The following LHFPL3 variants were observed in gnomAD, a reference collection of about 807,000 sequenced individuals.
The protein encoded by LHFPL3 is LHFPL tetraspan subfamily member 3 protein.
In LHFPL3, 5 loss-of-function variants were observed where a neutral mutation model predicts 19.3. The ratio of observed to expected loss-of-function variants is 0.26; its 90% confidence interval spans 0.14 to 0.54. The LOEUF (loss-of-function observed/expected upper bound fraction) is 0.54, where lower values mean the gene tolerates loss of function less well. Ranked by LOEUF, LHFPL3 falls within the 20% of genes least tolerant of loss-of-function variation. LHFPL3 has a pLI of 0.94. For missense variants in LHFPL3, 249 were observed against 307.4 expected (o/e 0.81, Z 1.42); for synonymous variants, 133 against 126.2 (o/e 1.05, Z -0.36).
At chr7:104,869,104 A>G (rs1791785252) in intron 2 of LHFPL3, among the ~76,000 whole-genome samples, 1 of 152,198 alleles carries the variant, frequency 6.6e-6, no homozygotes, top group African/African-American at 2.4e-5. Flanking sequence ...TAAATGTTAG[A>G]CCTAAAACCA....
chr7:104,434,533 C>T (rs1792063866), intron 1 of LHFPL3, among the ~76,000 whole-genome samples: 1 of 152,054 alleles, frequency 6.6e-6, no homozygotes, highest in Non-Finnish European at 1.5e-5. Context: ...TTATTTTCAA[C>T]CAAAAAAAGT....
chr7:104,604,366 A>G (rs1791048995), intron 1 of LHFPL3, among the ~76,000 whole-genome samples: 1 of 152,028 alleles, frequency 6.6e-6, no homozygotes. Flanking sequence ...CCCCAAAACT[A>G]TTCTGCCCCG....
intron 1 of LHFPL3, among the ~76,000 whole-genome samples, chr7:104,517,700 A>G (rs1213705073): frequency 2.6e-5 from 4 of 151,924 alleles, no homozygotes; most frequent in Non-Finnish European, 5.9e-5. Flanking sequence ...TAGATACAGA[A>G]TTTCACCATG....
At chr7:104,357,402 G>C (rs1054855157) in intron 1 of LHFPL3, among the ~76,000 whole-genome samples, 4 of 152,154 alleles carry the variant, frequency 2.6e-5, no homozygotes, top group Non-Finnish European at 5.9e-5. Flanking sequence ...AAGGCAATTA[G>C]TAGTTATTGA....
chr7:104,549,487 A>G (rs1426480507), intron 1 of LHFPL3, among the ~76,000 whole-genome samples: 2 of 149,124 alleles, frequency 1.3e-5, no homozygotes, highest in Admixed American at 6.7e-5. Context: ...ACACACACAC[A>G]CACTTATGTA....
At chr7:104,527,868 T>C (rs371745428) in intron 1 of LHFPL3, among the ~76,000 whole-genome samples, 12 of 152,328 alleles carry the variant, frequency 7.9e-5, no homozygotes, top group East Asian at 5.8e-4. Context: ...CCCCACCCAA[T>C]AGAGGACAGA....
chr7:104,680,287 A>T (rs1412358134), intron 1 of LHFPL3, among the ~76,000 whole-genome samples: 1 of 151,984 alleles, frequency 6.6e-6, no homozygotes, highest in African/African-American at 2.4e-5. Flanking sequence ...ATTGTATCCC[A>T]CTCCTTTGGC....
At chr7:104,652,142 G>T (rs1356387640) in intron 1 of LHFPL3, among the ~76,000 whole-genome samples, 2 of 151,992 alleles carry the variant, frequency 1.3e-5, no homozygotes, top group Non-Finnish European at 2.9e-5. Flanking sequence ...GATGGTGTTT[G>T]GTTTGGCACA....
chr7:104,665,125 C>G (rs536647107), intron 1 of LHFPL3, among the ~76,000 whole-genome samples: 8 of 152,172 alleles, frequency 5.3e-5, no homozygotes, highest in Non-Finnish European at 1.0e-4. Flanking sequence ...ATACATAAGA[C>G]TGCTAATGTA....
At chr7:104,540,790 C>A (rs1794471338) in intron 1 of LHFPL3, among the ~76,000 whole-genome samples, 1 of 152,080 alleles carries the variant, frequency 6.6e-6, no homozygotes, top group African/African-American at 2.4e-5. Flanking sequence ...ATGGCCAACA[C>A]CAGATTTGGA....
At chr7:104,866,040 C>T (rs1365289198) in intron 2 of LHFPL3, among the ~76,000 whole-genome samples, 1 of 152,158 alleles carries the variant, frequency 6.6e-6, no homozygotes, top group East Asian at 1.9e-4. Flanking sequence ...GATTTTGTCA[C>T]CACTAGGCCT....
chr7:104,813,571 G>A (rs949470949), intron 2 of LHFPL3, among the ~76,000 whole-genome samples: 1 of 152,172 alleles, frequency 6.6e-6, no homozygotes, highest in African/African-American at 2.4e-5. Context: ...TGCTAAGGGT[G>A]AGTCAGGCAT....
intron 1 of LHFPL3, among the ~76,000 whole-genome samples, chr7:104,611,243 G>C (rs934968997): frequency 6.6e-5 from 10 of 152,204 alleles, no homozygotes. Context: ...CTCACAGCAA[G>C]ATATGAAGGA....
intron 2 of LHFPL3, among the ~76,000 whole-genome samples, chr7:104,856,220 T>G (rs890371974): frequency 6.6e-6 from 1 of 150,376 alleles, no homozygotes; most frequent in East Asian, 2.0e-4. Flanking sequence ...TGCCCAGATC[T>G]CCTGATTCTG....
intron 1 of LHFPL3, among the ~76,000 whole-genome samples, chr7:104,470,619 TC>T (rs973653449): frequency 9.9e-5 from 15 of 152,228 alleles, no homozygotes; most frequent in African/African-American, 3.4e-4. Flanking sequence ...ACCCTATCAT[TC>T]CCTATTGTAC....
intron 2 of LHFPL3, among the ~76,000 whole-genome samples, chr7:104,787,269 C>T (rs1020438736): frequency 2.8e-4 from 42 of 152,134 alleles, no homozygotes; most frequent in African/African-American, 8.9e-4. Flanking sequence ...GCTGTGAGGC[C>T]GAAAATTAAT....
chr7:104,820,209 C>T (rs954381441), intron 2 of LHFPL3, among the ~76,000 whole-genome samples: 1 of 152,156 alleles, frequency 6.6e-6, no homozygotes, highest in African/African-American at 2.4e-5. Context: ...ATTTATCATT[C>T]TCAGTGACAA....
chr7:104,719,483 C>A (rs911909660), intron 1 of LHFPL3, among the ~76,000 whole-genome samples: 24 of 152,068 alleles, frequency 1.6e-4, no homozygotes, highest in Non-Finnish European at 1.5e-5. Flanking sequence ...TGAATTTATG[C>A]AATAAAAGCT....
intron 1 of LHFPL3, among the ~76,000 whole-genome samples, chr7:104,525,266 T>C (rs1323136087): frequency 6.6e-6 from 1 of 152,236 alleles, no homozygotes; most frequent in Admixed American, 6.5e-5. Flanking sequence ...CATGTACTTA[T>C]TCAACTTATA....
Sources: gnomAD v4.1 joint callset for allele counts (sites outside exome capture counted in the v4.1 genomes callset) on GRCh38, gnomAD v4.1.1 for gene constraint, MANE v1.5 for transcripts, NCBI Gene and HGNC (gene_info 2026-07-23, HGNC 2026-07-21) for gene names.